The following MTA3 variants were observed in gnomAD, a reference collection of about 807,000 sequenced individuals.
The protein encoded by MTA3 is metastasis associated 1 family member 3, also known as metastasis-associated protein MTA3.
Under a neutral mutation model 83.5 loss-of-function variants are expected in MTA3, and 34 were observed. That is an observed-to-expected ratio of 0.41 (90% confidence interval 0.31 to 0.54). The LOEUF (loss-of-function observed/expected upper bound fraction) is 0.54, where lower values mean the gene tolerates loss of function less well. Ranked by LOEUF, MTA3 falls within the 20% of genes least tolerant of loss-of-function variation. MTA3 has a pLI of 0.33. For missense variants in MTA3, 761 were observed against 726.4 expected, an observed-to-expected ratio of 1.05 and a Z score of -0.55; for synonymous variants, 303 against 252.7, an observed-to-expected ratio of 1.20 and a Z score of -1.89.
intron 2 of MTA3, among the ~76,000 whole-genome samples, chr2:42,575,745 C>T (rs913545047): frequency 2.0e-5 from 3 of 152,198 alleles, no homozygotes; most frequent in African/African-American, 7.2e-5. Flanking sequence ...CTAAATCATG[C>T]ATTGTTTTCT....
intron 14 of MTA3, 26 bp downstream of exon 14, chr2:42,709,122 T>G: frequency 1.3e-6 from 2 of 1,557,790 alleles, no homozygotes; most frequent in South Asian, 2.3e-5. Context: ...ATTCTTAACC[T>G]TATATGTTGT....
chr2:42,697,850 C>A lies in MTA3; in HGVS notation c.1025+16C>A, dbSNP rs1248788938. ...TCCCAACCTAGTAAGTAATTGAAAT[C>A]TTTTAAAATATTTGTTTTGGTCTTA... is the stretch of plus-strand genomic sequence containing the variant. On this transcript the variant is annotated intron_variant, in intron 11 of 16. Transcript: ENST00000405094. The A allele has an allele frequency of 4.1e-6, 6 of 1,478,014 alleles. No homozygotes were observed. 91.6% of individuals were successfully genotyped at this position (1,478,014 alleles called of 1,614,324 possible).
rs1676588693 is a variant in MTA3 at position 42,542,959 on chromosome 2, T to C, written c.-140-27478T>C. Among the ~76,000 whole-genome samples the C allele has an allele frequency of 1.3e-5, 2 of 152,108 alleles. 1 individual carries two copies. Among genetic ancestry groups the C allele is most frequent in the South Asian group, 4.1e-4 (2 of 4,822 alleles). ...ACACATCAATCCCCAACCCAAACTA[T>C]TAAGTCTCCCCGAGGAGTTTGGGGC... On this transcript the variant is annotated intron_variant, in intron 2 of 17. Transcript: ENST00000405592.
intron 2 of MTA3, among the ~76,000 whole-genome samples, chr2:42,504,438 G>A (rs138287266): frequency 3.9e-5 from 6 of 151,992 alleles, no homozygotes; most frequent in East Asian, 1.9e-4. Context: ...ATGGCGTTTC[G>A]CCATGTTGAC....
intron 16 of MTA3, among the ~76,000 whole-genome samples, chr2:42,746,661 A>G (rs369754157): frequency 2.6e-5 from 4 of 152,194 alleles, no homozygotes; most frequent in East Asian, 3.8e-4. Context: ...CTTGGGTTCA[A>G]TTAATATGCT....
At chr2:42,547,748 T>C (rs1487527960) in intron 2 of MTA3, among the ~76,000 whole-genome samples, 1 of 152,246 alleles carries the variant, frequency 6.6e-6, no homozygotes, top group Non-Finnish European at 1.5e-5. Context: ...TCTATTAAGC[T>C]AGGTTGCAGT....
At chr2:42,498,963 G>A (rs1363999615) in intron 2 of MTA3, among the ~76,000 whole-genome samples, 1 of 152,100 alleles carries the variant, frequency 6.6e-6, no homozygotes, top group African/African-American at 2.4e-5. Flanking sequence ...GATTACAAAG[G>A]TAGAGCTGTA....
chr2:42,718,689 G>A (rs1667199666), intron 14 of MTA3, among the ~76,000 whole-genome samples: 1 of 152,030 alleles, frequency 6.6e-6, no homozygotes, highest in Non-Finnish European at 1.5e-5. Context: ...CTTGAACCCA[G>A]GAGGTGGAGG....
At chr2:42,694,926 C>T (rs1201916526) in intron 9 of MTA3, among the ~76,000 whole-genome samples, 1 of 151,932 alleles carries the variant, frequency 6.6e-6, no homozygotes, top group East Asian at 1.9e-4. Context: ...ATTCCTTGAA[C>T]CTAGTTGTTC....
Position 42,570,461 on chromosome 2 carries a change from C to G in MTA3, c.53C>G (p.Ser18Cys), listed in dbSNP as rs199605489. 1.3e-6 allele frequency: 2 copies of G among 1,546,100 alleles called. No individual in the cohort carries two copies. The highest frequency in any genetic ancestry group is 2.4e-5 in the East Asian group (1 of 42,508). ...VGDYVYFENS[S>C]SNPYLIRRIE... ...GATTATGTCTACTTTGAGAATTCCTCCAGCAACCCATACCTAATAAGAAGG... is the reference window on the plus strand; with the variant it reads ...GATTATGTCTACTTTGAGAATTCCTGCAGCAACCCATACCTAATAAGAAGG... Residue 18 changes from serine to cysteine, a missense_variant, in exon 2 of 17, where the codon TCC (serine) becomes TGC (cysteine). Physicochemically the swap from Ser to Cys is moderately radical, Grantham distance 112. Coordinates refer to ENST00000405094, the MANE Select transcript of MTA3 (RefSeq NM_001330442.2).
Position 42,604,833 on chromosome 2 carries a change from G to A in MTA3, c.191-4625G>A, listed in dbSNP as rs1683045806. ...GCATCTGTTTAACAAAGCACATATT[G>A]CACCGCCCTTAATCCATTTAACCCT... is the stretch of plus-strand genomic sequence containing the variant. On this transcript the variant is annotated intron_variant, in intron 3 of 16. Transcript: ENST00000405094. 2.0e-5 allele frequency among the ~76,000 whole-genome samples: 3 copies of A among 149,398 alleles called. No individual in the cohort carries two copies. The South Asian group carries it at 6.5e-4, about 33-fold the overall frequency.
intron 2 of MTA3, 114 bp from the exon 3 acceptor site, chr2:42,578,993 T>C: frequency 1.6e-6 from 1 of 630,654 alleles, no homozygotes; most frequent in Non-Finnish European, 2.7e-6. Context: ...CAGTTGTGGT[T>C]GGCACCAGTG....
At chr2:42,568,318 C>T (rs1246218760), upstream of MTA3, 1 of 162,578 alleles carries the variant, frequency 6.2e-6, no homozygotes, top group Non-Finnish European at 1.3e-5. Context: ...CCCCAGCCCC[C>T]ACTCTAATTC....
At chr2:42,625,586 A>G (rs572879895) in intron 4 of MTA3, among the ~76,000 whole-genome samples, 11 of 150,394 alleles carry the variant, frequency 7.3e-5, no homozygotes, top group Non-Finnish European at 1.6e-4. Flanking sequence ...CTCTACTAAA[A>G]ATACAAAAAA....
At chr2:42,583,497 CT>C (rs1558458824) in intron 3 of MTA3, among the ~76,000 whole-genome samples, 1 of 152,096 alleles carries the variant, frequency 6.6e-6, no homozygotes, top group Non-Finnish European at 1.5e-5. Context: ...TTTTCCTGAA[CT>C]TTAGTTTTTC....
chr2:42,576,032 A>C (rs879856103), intron 2 of MTA3, among the ~76,000 whole-genome samples: 1 of 152,130 alleles, frequency 6.6e-6, no homozygotes, highest in Non-Finnish European at 1.5e-5. Flanking sequence ...TTTATTTCTG[A>C]AGGGATGTGA....
At chr2:42,730,108 T>C (rs1355090397) in intron 16 of MTA3, among the ~76,000 whole-genome samples, 1 of 152,264 alleles carries the variant, frequency 6.6e-6, no homozygotes, top group Non-Finnish European at 1.5e-5. Context: ...TTGTCAGTTC[T>C]AATAGCTTTC....
At chr2:42,702,913 T>G (rs1285260850) in intron 11 of MTA3, 1 of 152,186 alleles carries the variant, frequency 6.6e-6, no homozygotes, top group Non-Finnish European at 1.5e-5. Context: ...GTTGACTTGG[T>G]CTTTGGGAAA....
At chr2:42,539,283 C>A (rs1003963121) in intron 2 of MTA3, among the ~76,000 whole-genome samples, 1 of 152,024 alleles carries the variant, frequency 6.6e-6, no homozygotes, top group Admixed American at 6.6e-5. Flanking sequence ...CTTACAGTTC[C>A]GCAGGGCTGG....
Sources: gnomAD v4.1 joint callset for allele counts (sites outside exome capture counted in the v4.1 genomes callset) on GRCh38, gnomAD v4.1.1 for gene constraint, MANE v1.5 for transcripts, NCBI Gene and HGNC (gene_info 2026-07-23, HGNC 2026-07-21) for gene names.